The following CD247 variants were observed in gnomAD, a reference collection of about 807,000 sequenced individuals.
CD247 encodes the protein CD247 molecule.
CD247 carries 13 observed loss-of-function variants against 30.0 expected under a neutral mutation model. The ratio of observed to expected loss-of-function variants is 0.43; its 90% CI spans 0.28 to 0.69. The LOEUF (loss-of-function observed/expected upper bound fraction) is 0.69. Among genes scored for constraint, CD247 ranks in the 30% least tolerant of loss-of-function variants. The pLI is 0.16. For synonymous variants in CD247, 72 were observed against 80.0 expected, an observed-to-expected ratio of 0.90 and a Z score of 0.53; for missense variants, 193 against 212.6, an observed-to-expected ratio of 0.91 and a Z score of 0.57.
intron 1 of CD247, chr1:167,457,415 C>CAAAATGGAGCTAG: frequency 6.6e-6 from 1 of 152,384 alleles, no homozygotes; most frequent in Non-Finnish European, 1.5e-5. Context: ...ACATTGCAGC[C>CAAAATGGAGCTAG]AAAATGGAGC....
At position 167,437,397 on chromosome 1, in the gene CD247, C is replaced by A. The variant is rs553968947; in HGVS notation, c.300+1173G>T. On this transcript the variant is annotated intron_variant, in intron 4 of 7. Transcript: ENST00000362089. ...CCCAGCCTGGGCAACAAAAGCTAAA[C>A]GCTGTCTCAAAAAAAAAAAGAAAAC... Among the ~76,000 whole-genome samples the A allele has an allele frequency of 8.4e-3, 978 of 116,584 alleles. 11 individuals carry two copies. Among genetic ancestry groups the A allele is most frequent in the African/African-American group, 0.03 (930 of 31,392 alleles). 76.5% of individuals were successfully genotyped at this position (116,584 alleles called of 152,430 possible).
chr1:167,446,722 G>A lies in CD247; in HGVS notation c.59-5955C>T, dbSNP rs143463534. Among the ~76,000 whole-genome samples, 68 of 152,314 alleles carry A rather than the reference G, an allele frequency of 4.5e-4. No individual in the cohort carries two copies. In the East Asian group the frequency reaches 6.7e-3, roughly 15 times the overall value. On this transcript the variant is annotated intron_variant, in intron 1 of 7. Coordinates refer to ENST00000362089, the MANE Select transcript of CD247 (RefSeq NM_198053.3). ...AAAACAGATAATGGGGGCCAGGCGC[G>A]GTGGCTCACGCCTATAATCCCAGCA... is the stretch of plus-strand genomic sequence containing the variant.
At chr1:167,451,337 A>G (rs1158796341) in intron 1 of CD247, among the ~76,000 whole-genome samples, 1 of 152,212 alleles carries the variant, frequency 6.6e-6, no homozygotes, top group Admixed American at 6.5e-5. Context: ...ATTAAAGCCA[A>G]CTGGAACAAG....
chr1:167,442,105 C>G (rs187163005), intron 1 of CD247, among the ~76,000 whole-genome samples: 2 of 151,932 alleles, frequency 1.3e-5, no homozygotes, highest in Non-Finnish European at 2.9e-5. Context: ...AGTGAGGCTC[C>G]GTCTCAAAAA....
intron 1 of CD247, among the ~76,000 whole-genome samples, chr1:167,473,484 C>T (rs1489720162): frequency 6.6e-6 from 1 of 152,152 alleles, no homozygotes; most frequent in Non-Finnish European, 1.5e-5. Context: ...AGCTTCTCGC[C>T]AACTCCTTCA....
intron 6 of CD247, among the ~76,000 whole-genome samples, chr1:167,433,502 C>T (rs548132994): frequency 2.0e-5 from 3 of 152,344 alleles, no homozygotes; most frequent in East Asian, 1.9e-4. Context: ...GGGTAAGTCA[C>T]TCAACCTCCT....
chr1:167,448,321 T>C, intron 1 of CD247: 9 of 981,920 alleles, frequency 9.2e-6, no homozygotes, highest in Non-Finnish European at 1.1e-5. Context: ...AGTCCAGGTC[T>C]TAACCACCAC....
chr1:167,510,984 A>G (rs1655364105), intron 1 of CD247, among the ~76,000 whole-genome samples: 1 of 152,162 alleles, frequency 6.6e-6, no homozygotes. Flanking sequence ...TGCTTCATGC[A>G]TTTGTTCTGA....
chr1:167,484,535 G>A (rs1654121504), intron 1 of CD247, among the ~76,000 whole-genome samples: 3 of 152,236 alleles, frequency 2.0e-5, no homozygotes. Flanking sequence ...CCAGCACTTT[G>A]GGAGGCCAAG....
rs149727930 is a variant in CD247, at chr1:167,510,467, T to C, written c.58+7941A>G. 1.2e-3 allele frequency among the ~76,000 whole-genome samples: 180 copies of C among 152,300 alleles called. 1 individual carries two copies. Among genetic ancestry groups the C allele is most frequent in the African/African-American group, 4.3e-3 (177 of 41,572 alleles). On this transcript the variant is annotated intron_variant, in intron 1 of 7. Coordinates refer to ENST00000362089, the MANE Select transcript of CD247 (RefSeq NM_198053.3). ...ACCCCTGGGGCTTGGGCTCAGGCTT[T>C]TCACGTGATGGGTCACCTGGCTCAG...
intron 1 of CD247, among the ~76,000 whole-genome samples, chr1:167,517,927 C>T (rs1655686233): frequency 1.3e-5 from 2 of 152,186 alleles, no homozygotes; most frequent in South Asian, 4.1e-4. Context: ...ATGACCTTGA[C>T]TGACCAACAA....
intron 1 of CD247, among the ~76,000 whole-genome samples, chr1:167,472,185 T>C (rs1344215090): frequency 6.6e-6 from 1 of 152,258 alleles, no homozygotes; most frequent in Non-Finnish European, 1.5e-5. Flanking sequence ...CCTTTTCCTA[T>C]GGTATATACT....
intron 1 of CD247, among the ~76,000 whole-genome samples, chr1:167,446,559 G>A (rs1652087356): frequency 1.3e-5 from 2 of 152,174 alleles, no homozygotes; most frequent in African/African-American, 4.8e-5. Context: ...ATGCTAAGAG[G>A]CTCTGCAGGT....
intron 2 of CD247, 188 bp from the exon 3 acceptor site, chr1:167,439,588 T>A: frequency 1.6e-6 from 1 of 607,674 alleles, no homozygotes. Flanking sequence ...CTGAGCCCAG[T>A]TGTCCTTTTT....
At chr1:167,434,641 AG>A (rs1229419289) in intron 5 of CD247, 2 of 390,392 alleles carry the variant, frequency 5.1e-6, no homozygotes, top group African/African-American at 2.1e-5. Context: ...CACCCAGGAC[AG>A]GAGCCCCTCG....
intron 7 of CD247, 150 bp from the exon 8 acceptor site, chr1:167,431,896 C>G (rs537960078): frequency 4.0e-6 from 3 of 743,058 alleles, no homozygotes; most frequent in Non-Finnish European, 2.4e-6. Flanking sequence ...CCTGGCCCCA[C>G]GGGCAGGAGC....
At chr1:167,456,824 G>C (rs1303323898) in intron 1 of CD247, among the ~76,000 whole-genome samples, 1 of 152,204 alleles carries the variant, frequency 6.6e-6, no homozygotes, top group Middle Eastern at 3.2e-3. Flanking sequence ...TTCTGTCAGA[G>C]AAGCACCCAA....
intron 1 of CD247, among the ~76,000 whole-genome samples, chr1:167,506,445 T>TCAAGCATTTCTCCCACCTCAACCTCC (rs1362888847): frequency 1.3e-5 from 2 of 148,566 alleles, no homozygotes; most frequent in Non-Finnish European, 3.0e-5. Context: ...CCTCCCAGGC[T>TCAAGCATTTCTCCCACCTCAACCTCC]CAAGCATTTC....
chr1:167,464,102 T>C (rs1225034354), intron 1 of CD247, among the ~76,000 whole-genome samples: 1 of 152,172 alleles, frequency 6.6e-6, no homozygotes, highest in African/African-American at 2.4e-5. Context: ...AGTTTTACCA[T>C]GGAATGTGCC....
Sources: gnomAD v4.1 joint callset for allele counts (sites outside exome capture counted in the v4.1 genomes callset) on GRCh38, gnomAD v4.1.1 for gene constraint, MANE v1.5 for transcripts, NCBI Gene and HGNC (gene_info 2026-07-23, HGNC 2026-07-21) for gene names.